MAGI2: variants seen among roughly 807,000 people sequenced by gnomAD.
The protein encoded by MAGI2 is membrane associated guanylate kinase, WW and PDZ domain containing 2.
Under a neutral mutation model 133.3 loss-of-function variants are expected in MAGI2, and 35 were observed. The ratio of observed to expected loss-of-function variants is 0.26; its 90% CI spans 0.20 to 0.35. MAGI2 has a LOEUF of 0.35. Ranked by LOEUF, MAGI2 falls within the 10% of genes least tolerant of loss-of-function variation. MAGI2 has a pLI of 1.00. For missense variants in MAGI2, 1,636 were observed against 1,863.4 expected, an observed-to-expected ratio of 0.88 and a Z score of 2.25; for synonymous variants, 729 against 710.6, an observed-to-expected ratio of 1.03 and a Z score of -0.41.
At chr7:78,096,203 A>T (rs1817677327) in intron 20 of MAGI2, among the ~76,000 whole-genome samples, 1 of 152,236 alleles carries the variant, frequency 6.6e-6, no homozygotes, top group African/African-American at 2.4e-5. Context: ...TAGCAATGGT[A>T]GCAATGTTAT....
At chr7:79,156,483 C>G (rs565982777) in intron 1 of MAGI2, among the ~76,000 whole-genome samples, 1 of 152,102 alleles carries the variant, frequency 6.6e-6, no homozygotes, top group Non-Finnish European at 1.5e-5. Context: ...TCAATAGAAC[C>G]TTGGTCTCCA....
At position 79,171,766 on chromosome 7, in the gene MAGI2, ATATATTTTTTT is replaced by A. The variant is rs1370095880; in HGVS notation, c.302-164571_302-164561del. ...AAAATATATATATATATATATATAT[ATATATTTTTTT>A]TTTTTTTTTCTTTTAAAGGGTCTCC... is the stretch of plus-strand genomic sequence containing the variant. On this transcript the variant is annotated intron_variant, in intron 1 of 21. Transcript: ENST00000354212. 4.1e-3 allele frequency among the ~76,000 whole-genome samples: 95 copies of A among 23,268 alleles called. 2 individuals carry two copies. Among genetic ancestry groups the A allele is most frequent in the African/African-American group, 8.4e-3 (92 of 10,974 alleles). The allele number at this position is 23,268 out of a possible 152,430, so 15.3% of individuals were successfully genotyped here.
At chr7:78,338,585 A>G (rs142387179) in intron 9 of MAGI2, among the ~76,000 whole-genome samples, 1 of 152,352 alleles carries the variant, frequency 6.6e-6, no homozygotes, top group East Asian at 1.9e-4. Flanking sequence ...GCTAGTAATT[A>G]GCAAAATATC....
chr7:78,909,378 G>A (rs1324336476), intron 2 of MAGI2, among the ~76,000 whole-genome samples: 1 of 150,486 alleles, frequency 6.6e-6, no homozygotes, highest in African/African-American at 2.4e-5. Flanking sequence ...TGGATCACGA[G>A]GTCAGGAGAT....
At chr7:79,000,419 C>T (rs1806743880) in intron 2 of MAGI2, 1 of 152,106 alleles carries the variant, frequency 6.6e-6, no homozygotes, top group Admixed American at 6.5e-5. Flanking sequence ...TTTTTACAAC[C>T]TTTATAGTAC....
chr7:78,463,335 A>G (rs1558699), intron 6 of MAGI2, among the ~76,000 whole-genome samples: 63,505 of 152,162 alleles, frequency 0.42, 15,828 homozygotes, highest in Middle Eastern at 0.6. Context: ...ATGATCCAAG[A>G]ACAGAGTGCA....
intron 2 of MAGI2, among the ~76,000 whole-genome samples, chr7:78,978,826 T>G (rs1416841769): frequency 6.6e-6 from 1 of 151,890 alleles, no homozygotes; most frequent in Non-Finnish European, 1.5e-5. Context: ...AAGGGAACTC[T>G]GTGTCAGCTC....
chr7:78,750,143 G>A (rs1823312090), intron 2 of MAGI2, among the ~76,000 whole-genome samples: 1 of 152,088 alleles, frequency 6.6e-6, no homozygotes, highest in Admixed American at 6.5e-5. Flanking sequence ...TTGGTTTTCT[G>A]TTCTTGTGTT....
rs59388508 is a variant in MAGI2 at position 79,378,926 on chromosome 7, GTATA to G, written c.301+74090_301+74093del. Among the ~76,000 whole-genome samples the G allele has an allele frequency of 4.1e-3, 385 of 94,306 alleles. 3 individuals carry two copies. The highest frequency in any genetic ancestry group is 0.011 in the African/African-American group (313 of 27,454). The allele number at this position is 94,306 out of a possible 152,430, so 61.9% of individuals were successfully genotyped here. A position where few individuals can be genotyped will look rare whatever the true frequency, so the allele number is the denominator to read the frequency against. ...CTTTTATATATATATATGTGTGTGT[GTATA>G]TATATATATATATATATATATATAT... On this transcript the variant is annotated intron_variant, in intron 1 of 21. Transcript: ENST00000354212.
chr7:78,492,813 T>C (rs1376770467), intron 5 of MAGI2, among the ~76,000 whole-genome samples: 1 of 152,196 alleles, frequency 6.6e-6, no homozygotes, highest in Non-Finnish European at 1.5e-5. Context: ...TTCAAGTTTC[T>C]TTAACAGAGA....
At chr7:78,742,246 C>T (rs1319367434) in intron 2 of MAGI2, among the ~76,000 whole-genome samples, 2 of 152,010 alleles carry the variant, frequency 1.3e-5, no homozygotes, top group Non-Finnish European at 2.9e-5. Flanking sequence ...GAAGAATAGG[C>T]CTAAAAAGGT....
rs949949731 is a variant in MAGI2 at position 79,307,370 on chromosome 7, C to T, written c.301+145650G>A. Among the ~76,000 whole-genome samples, 83 of 152,058 alleles carry T rather than the reference C, an allele frequency of 5.5e-4. 1 individual carries two copies. Among genetic ancestry groups the T allele is most frequent in the Non-Finnish European group, 1.5e-5 (1 of 68,032 alleles). ...TGCTAACCAGATCTGGAAGTTATTT[C>T]CAGAGTTAGTGATACTTAGGAGTCT... On this transcript the variant is annotated intron_variant, in intron 1 of 21. Transcript: ENST00000354212.
At chr7:79,171,758 ATATATATATATATTTTTT>A (rs1562961129) in intron 1 of MAGI2, among the ~76,000 whole-genome samples, 489 of 31,682 alleles carry the variant, frequency 0.015, 26 homozygotes, top group African/African-American at 0.035. Flanking sequence ...ATATATATAT[ATATATATATATATTTTTT>A]TTTTTTTTTT....
intron 1 of MAGI2, among the ~76,000 whole-genome samples, chr7:79,255,820 C>A (rs1833641416): frequency 6.6e-6 from 1 of 151,828 alleles, no homozygotes; most frequent in Non-Finnish European, 1.5e-5. Flanking sequence ...CTAGACAATT[C>A]TAACTGAAAA....
intron 6 of MAGI2, among the ~76,000 whole-genome samples, chr7:78,479,115 A>G (rs1029070847): frequency 2.6e-5 from 4 of 152,078 alleles, no homozygotes; most frequent in Middle Eastern, 3.4e-3. Context: ...GGAAAATAAT[A>G]TAATCTCCAA....
intron 3 of MAGI2, among the ~76,000 whole-genome samples, chr7:78,524,512 A>G (rs1260717743): frequency 6.6e-6 from 1 of 152,196 alleles, no homozygotes; most frequent in African/African-American, 2.4e-5. Flanking sequence ...TAAGAGAGTA[A>G]TGCAAGAAAA....
chr7:79,229,922 C>T (rs1218115614), intron 1 of MAGI2, among the ~76,000 whole-genome samples: 1 of 146,968 alleles, frequency 6.8e-6, no homozygotes, highest in African/African-American at 2.5e-5. Context: ...TTAGGTATAT[C>T]TCCCAATGCT....
intron 7 of MAGI2, among the ~76,000 whole-genome samples, chr7:78,362,822 C>CT (rs1792962478): frequency 6.6e-6 from 1 of 152,148 alleles, no homozygotes; most frequent in African/African-American, 2.4e-5. Flanking sequence ...ATTGAACAAA[C>CT]TTATTAACAT....
intron 20 of MAGI2, among the ~76,000 whole-genome samples, chr7:78,096,575 A>C (rs1417340025): frequency 6.6e-6 from 1 of 152,186 alleles, no homozygotes; most frequent in Non-Finnish European, 1.5e-5. Context: ...TGCATCTCTG[A>C]GTTTAGAGTA....
Sources: gnomAD v4.1 joint callset for allele counts (sites outside exome capture counted in the v4.1 genomes callset) on GRCh38, gnomAD v4.1.1 for gene constraint, MANE v1.5 for transcripts, NCBI Gene and HGNC (gene_info 2026-07-23, HGNC 2026-07-21) for gene names.